CCDC39: variants seen among roughly 807,000 people sequenced by gnomAD.
CCDC39 encodes coiled-coil domain-containing protein 39.
A neutral mutation model predicts 121.0 loss-of-function variants in CCDC39; 113 were observed. The ratio of observed to expected loss-of-function variants is 0.93; its 90% CI spans 0.80 to 1.09. The LOEUF (loss-of-function observed/expected upper bound fraction) is 1.09, where lower values mean the gene tolerates loss of function less well. Among genes scored for constraint, CCDC39 ranks in the 50% least tolerant of loss-of-function variants. The pLI is 0.00. For synonymous variants in CCDC39, 349 were observed against 352.2 expected (o/e 0.99, Z 0.10); for missense variants, 1,063 against 1,074.7 (o/e 0.99, Z 0.15).
intron 4 of CCDC39, among the ~76,000 whole-genome samples, chr3:180,660,314 C>T (rs1398577844): frequency 1.3e-5 from 2 of 152,046 alleles, no homozygotes; most frequent in African/African-American, 2.4e-5. Context: ...TATTCTTAAC[C>T]TGCGATCCAT....
At position 180,615,034 on chromosome 3, in the gene CCDC39, T is replaced by C; in HGVS notation, c.2713A>G (p.Lys905Glu). The C allele has an allele frequency of 6.4e-7, 1 of 1,555,632 alleles. No homozygotes were observed. The highest frequency in any genetic ancestry group is 8.7e-7 in the Non-Finnish European group (1 of 1,149,090). Residue 905 changes from lysine to glutamate, a missense_variant, in exon 20 of 20, where the codon AAA (lysine) becomes GAA (glutamate). Physicochemically the swap from Lys to Glu is moderately conservative, Grantham distance 56. Coordinates refer to ENST00000476379, the MANE Select transcript of CCDC39 (RefSeq NM_181426.2). ...GCCGGGAATTTAAGCTCCAGTACTT[T>C]AATTGAAGACTGAGAAGTAGATGTA... is the stretch of plus-strand genomic sequence containing the variant. ...TSTSTSQSSI[K>E]VLELKFPASS...
At position 180,614,235 on chromosome 3, in the gene CCDC39, G is replaced by C. The variant is rs559363718; in HGVS notation, c.*686C>G. On this transcript the variant is annotated 3_prime_UTR_variant, in exon 20 of 20. Transcript: ENST00000476379. ...AAAATTTCAAAATTGTTTATACTTG[G>C]TTGGCTGTATCTGAAAGCAAATCTT... 6.3e-6 allele frequency: 1 copy of C among 159,986 alleles called. No individual in the cohort carries two copies. The highest frequency in any genetic ancestry group is 6.1e-5 in the Admixed American group (1 of 16,322). The allele number at this position is 159,986 out of a possible 1,614,324, so 9.9% of individuals were successfully genotyped here.
At chr3:180,658,004 C>T (rs1045259800) in intron 6 of CCDC39, among the ~76,000 whole-genome samples, 2 of 151,556 alleles carry the variant, frequency 1.3e-5, no homozygotes, top group Non-Finnish European at 2.9e-5. Context: ...CTTTGGGAGG[C>T]GGGTGGATTG....
chr3:180,633,618 A>G (rs1483012982), intron 13 of CCDC39, among the ~76,000 whole-genome samples: 7 of 152,180 alleles, frequency 4.6e-5, no homozygotes, highest in Non-Finnish European at 7.3e-5. Flanking sequence ...AAAGTAAAAT[A>G]CAAGTAGAAA....
chr3:180,622,844 G>C (rs906842518), intron 14 of CCDC39, among the ~76,000 whole-genome samples: 3 of 151,606 alleles, frequency 2.0e-5, no homozygotes, highest in African/African-American at 7.3e-5. Context: ...TTGTGTCTGT[G>C]GTCTATGTTC....
rs1167101999 is a variant in CCDC39 at position 180,652,286 on chromosome 3, C to G, written c.931-20G>C. On this transcript the variant is annotated intron_variant, in intron 7 of 19. Transcript: ENST00000476379. ...ATCCAGCTATTTATTAGTTAACAGA[C>G]AGAAATTATATATTTACTCTGTATC... 4.5e-6 allele frequency: 6 copies of G among 1,325,618 alleles called. No individual in the cohort carries two copies. The East Asian group carries it at 1.6e-4, about 34-fold the overall frequency. 82.1% of individuals were successfully genotyped at this position (1,325,618 alleles called of 1,614,324 possible).
chr3:180,625,536 A>T (rs1221660253), intron 14 of CCDC39, among the ~76,000 whole-genome samples: 1 of 152,052 alleles, frequency 6.6e-6, no homozygotes, highest in East Asian at 1.9e-4. Flanking sequence ...AACAGTTGTT[A>T]TATGGTGGGT....
chr3:180,654,671 TTC>T, intron 7 of CCDC39, 89 bp downstream of exon 7: 1 of 847,496 alleles, frequency 1.2e-6, no homozygotes, highest in Non-Finnish European at 1.7e-6. Flanking sequence ...TAGAAGTAGT[TTC>T]TTTATCACAG....
chr3:180,654,678 T>C lies in CCDC39; in HGVS notation c.930+84A>G, dbSNP rs984545832. On this transcript the variant is annotated intron_variant, in intron 7 of 19. Coordinates refer to ENST00000476379, the MANE Select transcript of CCDC39 (RefSeq NM_181426.2). Reference sequence around the variant, plus strand: ...AAAAAAACTAGAAGTAGTTTCTTTATCACAGGAAAAGCTTTATGCTTATTT... The same window carrying C: ...AAAAAAACTAGAAGTAGTTTCTTTACCACAGGAAAAGCTTTATGCTTATTT... 26 of 848,320 alleles carry C rather than the reference T, an allele frequency of 3.1e-5. No individual in the cohort carries two copies. The Middle Eastern group carries it at 7.1e-4, about 23-fold the overall frequency. The allele number at this position is 848,320 out of a possible 1,614,324, so 52.5% of individuals were successfully genotyped here.
chr3:180,654,707 A>G, intron 7 of CCDC39, 55 bp downstream of exon 7: 2 of 1,233,772 alleles, frequency 1.6e-6, no homozygotes, highest in Non-Finnish European at 2.2e-6. Flanking sequence ...CTTATTTTAT[A>G]TTTTATAGTG....
intron 9 of CCDC39, among the ~76,000 whole-genome samples, chr3:180,648,934 A>T (rs566614050): frequency 6.6e-6 from 1 of 152,272 alleles, no homozygotes; most frequent in Non-Finnish European, 1.5e-5. Context: ...ACAGAAACAG[A>T]CCATTTTGTG....
intron 13 of CCDC39, among the ~76,000 whole-genome samples, chr3:180,635,351 T>C (rs1160260339): frequency 6.6e-6 from 1 of 151,016 alleles, no homozygotes; most frequent in African/African-American, 2.5e-5. Context: ...TCAAAACCAA[T>C]CATACTTTCC....
At chr3:180,644,061 C>T in intron 12 of CCDC39, 59 bp downstream of exon 12, 2 of 1,278,176 alleles carry the variant, frequency 1.6e-6, no homozygotes, top group Non-Finnish European at 2.1e-6. Context: ...TTTCATTTGT[C>T]TACAATTAAC....
At chr3:180,620,066 G>C in intron 14 of CCDC39, 96 bp from the exon 15 acceptor site, 1 of 916,866 alleles carries the variant, frequency 1.1e-6, no homozygotes. Flanking sequence ...GTTGACTTGT[G>C]ACAATAACAG....
chr3:180,656,531 T>C (rs1434832732), intron 6 of CCDC39, among the ~76,000 whole-genome samples: 1 of 152,122 alleles, frequency 6.6e-6, no homozygotes, highest in East Asian at 1.9e-4. Flanking sequence ...CACCCTCCAA[T>C]ATGCTACCGT....
intron 14 of CCDC39, among the ~76,000 whole-genome samples, chr3:180,628,442 C>T (rs1396509955): frequency 1.3e-5 from 2 of 152,206 alleles, no homozygotes; most frequent in South Asian, 2.1e-4. Context: ...CTCCTGACCT[C>T]GTGATCCACC....
At chr3:180,647,885 T>C (rs79442334) in intron 10 of CCDC39, among the ~76,000 whole-genome samples, 1 of 152,090 alleles carries the variant, frequency 6.6e-6, no homozygotes, top group Admixed American at 6.6e-5. Context: ...TGCCTTCTTC[T>C]GTTTTACTCT....
chr3:180,635,620 T>G (rs1158015579), intron 13 of CCDC39, among the ~76,000 whole-genome samples: 2 of 152,042 alleles, frequency 1.3e-5, no homozygotes, highest in Non-Finnish European at 2.9e-5. Context: ...TCCAGAATAA[T>G]CTCCTTTTAC....
intron 13 of CCDC39, among the ~76,000 whole-genome samples, chr3:180,637,716 G>A (rs1039986893): frequency 2.6e-5 from 4 of 152,146 alleles, no homozygotes; most frequent in African/African-American, 9.7e-5. Flanking sequence ...TAAAAAATGT[G>A]CCATATATAC....
Sources: gnomAD v4.1 joint callset for allele counts (sites outside exome capture counted in the v4.1 genomes callset) on GRCh38, gnomAD v4.1.1 for gene constraint, MANE v1.5 for transcripts, NCBI Gene and HGNC (gene_info 2026-07-23, HGNC 2026-07-21) for gene names.